Variants in GRIP1 observed in about 807,000 individuals in gnomAD.
The protein encoded by GRIP1 is glutamate receptor-interacting protein 1.
In GRIP1, 45 loss-of-function variants were observed where a neutral mutation model predicts 129.9. That is an observed-to-expected ratio of 0.35 (90% CI 0.27 to 0.44). GRIP1 has a LOEUF of 0.44. Ranked by LOEUF, GRIP1 falls within the 20% of genes least tolerant of loss-of-function variation. The pLI, the probability that GRIP1 is intolerant of heterozygous loss-of-function variation, is 1.00. For synonymous variants in GRIP1, 530 were observed against 520.8 expected, an observed-to-expected ratio of 1.02 and a Z score of -0.24; for missense variants, 1,196 against 1,396.8, an observed-to-expected ratio of 0.86 and a Z score of 2.29.
chr12:67,061,158 G>A (rs1054907446), intron 1 of GRIP1, among the ~76,000 whole-genome samples: 5 of 152,308 alleles, frequency 3.3e-5, no homozygotes, highest in African/African-American at 1.2e-4. Context: ...CATTTTGGAA[G>A]ACTACGGATT....
chr12:66,867,187 C>T (rs1352602270), intron 1 of GRIP1, among the ~76,000 whole-genome samples: 1 of 152,118 alleles, frequency 6.6e-6, no homozygotes, highest in Non-Finnish European at 1.5e-5. Flanking sequence ...CGGTGTTTCA[C>T]CATGTTGGCC....
chr12:66,517,622 G>C (rs1364732515), intron 6 of GRIP1, among the ~76,000 whole-genome samples: 1 of 152,060 alleles, frequency 6.6e-6, no homozygotes, highest in Admixed American at 6.6e-5. Context: ...TGATAAAACT[G>C]ATCAGCTCTG....
intron 22 of GRIP1, chr12:66,372,288 G>T: frequency 2.8e-6 from 1 of 351,376 alleles, no homozygotes; most frequent in Non-Finnish European, 5.4e-6. Context: ...GGATTCATGA[G>T]GCCACCTTGA....
At chr12:66,847,884 ATG>A (rs1372061709) in intron 1 of GRIP1, among the ~76,000 whole-genome samples, 1 of 152,202 alleles carries the variant, frequency 6.6e-6, no homozygotes, top group Admixed American at 6.5e-5. Flanking sequence ...GGATATGAGT[ATG>A]TGTTTTAATT....
Position 66,993,080 on chromosome 12 carries a change from C to T in GRIP1, c.58+75970G>A, listed in dbSNP as rs933395029. Among the ~76,000 whole-genome samples the T allele has an allele frequency of 2.0e-5, 3 of 151,208 alleles. No homozygotes were observed. In the South Asian group the frequency reaches 6.3e-4, roughly 32 times the overall value. On this transcript the variant is annotated intron_variant, in intron 1 of 1. Transcript: ENST00000643019. The stretch of plus-strand genomic sequence containing the variant: ...AGTGAGCTGAGAGGGTGTTACTGCA[C>T]TCCAGCCTGGAAAACAGAACAAGAC...
rs545154313 is a variant in GRIP1 at position 66,579,873 on chromosome 12, C to T, written c.136+16974G>A. Among the ~76,000 whole-genome samples, 13 of 149,880 alleles carry T rather than the reference C, an allele frequency of 8.7e-5. No individual in the cohort carries two copies. The South Asian group carries it at 2.6e-3, about 30-fold the overall frequency. On this transcript the variant is annotated intron_variant, in intron 2 of 24. Transcript: ENST00000359742. ...GGAGAACTTCCCCAATCTAGCAAGG[C>T]AGGCCAACATTCATATTCAGGAAAT...
intron 2 of GRIP1, among the ~76,000 whole-genome samples, chr12:66,554,377 T>C (rs1592540287): frequency 6.6e-6 from 1 of 152,184 alleles, no homozygotes; most frequent in East Asian, 1.9e-4. Context: ...TGGCCCTGAA[T>C]AGTCAGCAGT....
chr12:66,986,675 T>C (rs1162538350), intron 1 of GRIP1, among the ~76,000 whole-genome samples: 1 of 108,680 alleles, frequency 9.2e-6, no homozygotes, highest in Non-Finnish European at 1.8e-5. Flanking sequence ...CTGGGGACTA[T>C]TGTGGGGTGG....
intron 1 of GRIP1, among the ~76,000 whole-genome samples, chr12:66,628,131 GCCCATC>G (rs2030308449): frequency 6.6e-6 from 1 of 152,148 alleles, no homozygotes; most frequent in Non-Finnish European, 1.5e-5. Flanking sequence ...CCTGGCACCT[GCCCATC>G]CTTCACTATT....
intron 1 of GRIP1, among the ~76,000 whole-genome samples, chr12:66,628,095 G>A (rs879720819): frequency 4.6e-5 from 7 of 152,148 alleles, no homozygotes; most frequent in Non-Finnish European, 7.3e-5. Context: ...AACTCTGCTT[G>A]GAGCAGCTGG....
At chr12:66,351,014 T>C (rs1441105204) in intron 24 of GRIP1, among the ~76,000 whole-genome samples, 1 of 152,194 alleles carries the variant, frequency 6.6e-6, no homozygotes. Context: ...AAGACACTCA[T>C]AGAAGGTAAG....
chr12:66,921,005 G>A (rs983940127), intron 1 of GRIP1, among the ~76,000 whole-genome samples: 6 of 152,104 alleles, frequency 3.9e-5, no homozygotes, highest in African/African-American at 9.7e-5. Flanking sequence ...GAACATAACC[G>A]TCTAGGAAAT....
intron 15 of GRIP1, among the ~76,000 whole-genome samples, chr12:66,418,494 G>C (rs1249947202): frequency 1.3e-5 from 2 of 152,072 alleles, no homozygotes; most frequent in Non-Finnish European, 2.9e-5. Flanking sequence ...TCAACAAAGT[G>C]AAGAGACAAC....
chr12:66,539,239 T>C lies in GRIP1; in HGVS notation c.273-16A>G, dbSNP rs1414745129. The C allele has an allele frequency of 1.9e-6, 3 of 1,614,004 alleles. No homozygotes were observed. The highest frequency in any genetic ancestry group is 2.5e-6 in the Non-Finnish European group (3 of 1,179,922). On this transcript the variant is annotated splice_polypyrimidine_tract_variant and intron_variant, in intron 3 of 24. Coordinates refer to ENST00000359742, the MANE Select transcript of GRIP1 (RefSeq NM_001366722.1). ...CTGGTCACTTCTGCAAAATAGACAA[T>C]GTTGTTTCAACAGACCCACCCTCTC...
intron 1 of GRIP1, among the ~76,000 whole-genome samples, chr12:66,836,846 AT>A (rs991063348): frequency 3.3e-5 from 5 of 152,326 alleles, no homozygotes; most frequent in Admixed American, 1.3e-4. Flanking sequence ...TGATTAGTTC[AT>A]TTGAAGAGGA....
intron 1 of GRIP1, among the ~76,000 whole-genome samples, chr12:66,773,500 T>C (rs2037885121): frequency 6.6e-6 from 1 of 152,036 alleles, no homozygotes; most frequent in Non-Finnish European, 1.5e-5. Flanking sequence ...AAGTGGGAGT[T>C]GAACAATGAG....
In GRIP1 at chr12:66,348,038, A is replaced by G. The variant is rs1238953528; in HGVS notation, c.*981T>C. Reference sequence around the variant, plus strand: ...GCTTTGAGGGATGGTAATAATTGGCAATGCATTTGTGAAAAATGTATTTAC... The same window carrying G: ...GCTTTGAGGGATGGTAATAATTGGCGATGCATTTGTGAAAAATGTATTTAC... On this transcript the variant is annotated 3_prime_UTR_variant, in exon 25 of 25. Transcript: ENST00000359742. 1 of 152,222 alleles carries G rather than the reference A, an allele frequency of 6.6e-6. No homozygotes were observed. The highest frequency in any genetic ancestry group is 1.5e-5 in the Non-Finnish European group (1 of 68,034). The allele number at this position is 152,222 out of a possible 1,614,324, so 9.4% of individuals were successfully genotyped here. A position where few individuals can be genotyped will look rare whatever the true frequency, so the allele number is the denominator to read the frequency against.
chr12:66,935,778 C>T (rs973601685), intron 1 of GRIP1, among the ~76,000 whole-genome samples: 3 of 152,260 alleles, frequency 2.0e-5, no homozygotes, highest in African/African-American at 7.2e-5. Context: ...TTGGTTACAG[C>T]TCTGCCTTTG....
intron 1 of GRIP1, among the ~76,000 whole-genome samples, chr12:66,852,575 G>A (rs567544301): frequency 6.6e-6 from 1 of 150,540 alleles, no homozygotes; most frequent in East Asian, 2.0e-4. Context: ...TATGCATACA[G>A]GTATATGTAT....
Sources: gnomAD v4.1 joint callset for allele counts (sites outside exome capture counted in the v4.1 genomes callset) on GRCh38, gnomAD v4.1.1 for gene constraint, MANE v1.5 for transcripts, NCBI Gene and HGNC (gene_info 2026-07-23, HGNC 2026-07-21) for gene names.